HMGCLL1: variants seen among roughly 807,000 people sequenced by gnomAD.
HMGCLL1 encodes the protein 3-hydroxymethyl-3-methylglutaryl-CoA lyase, cytoplasmic.
HMGCLL1 carries 36 observed loss-of-function variants against 39.1 expected under a neutral mutation model. The observed-to-expected ratio is 0.92, with a 90% CI of 0.71 to 1.22. The LOEUF is 1.22. Among genes scored for constraint, HMGCLL1 ranks in the 50% most tolerant of loss-of-function variants. HMGCLL1 has a pLI of 0.00. For synonymous variants in HMGCLL1, 149 were observed against 144.0 expected, an observed-to-expected ratio of 1.03 and a Z score of -0.25; for missense variants, 451 against 416.5, an observed-to-expected ratio of 1.08 and a Z score of -0.72.
At chr6:55,441,786 G>A (rs1176601398) in intron 7 of HMGCLL1, among the ~76,000 whole-genome samples, 4 of 152,058 alleles carry the variant, frequency 2.6e-5, no homozygotes, top group Non-Finnish European at 5.9e-5. Flanking sequence ...TGCTTCCTGG[G>A]TTCAAGCGAT....
chr6:55,526,110 C>T (rs934546356), intron 3 of HMGCLL1, among the ~76,000 whole-genome samples: 2 of 151,890 alleles, frequency 1.3e-5, no homozygotes, highest in African/African-American at 4.8e-5. Context: ...GAATAATTTG[C>T]AGCTAAGCCT....
At chr6:55,524,915 C>T (rs1266191909) in intron 3 of HMGCLL1, among the ~76,000 whole-genome samples, 1 of 151,336 alleles carries the variant, frequency 6.6e-6, no homozygotes, top group Non-Finnish European at 1.5e-5. Flanking sequence ...TAAACTGTAA[C>T]AGCATGGGTT....
chr6:55,660,096 T>C, the HMGCLL1 span, among the ~76,000 whole-genome samples: 1 of 151,792 alleles, frequency 6.6e-6, no homozygotes, highest in African/African-American at 2.4e-5. Flanking sequence ...AATAATTGGT[T>C]TGTGAGCTGA....
At chr6:55,454,646 C>T (rs915413547) in intron 7 of HMGCLL1, among the ~76,000 whole-genome samples, 2 of 152,018 alleles carry the variant, frequency 1.3e-5, no homozygotes, top group Non-Finnish European at 2.9e-5. Flanking sequence ...CTGAATGGGC[C>T]GAATAGTCAT....
At chr6:55,659,958 T>C in the HMGCLL1 span, among the ~76,000 whole-genome samples, 1 of 151,810 alleles carries the variant, frequency 6.6e-6, no homozygotes, top group Non-Finnish European at 1.5e-5. Context: ...ATTCATTGAA[T>C]TCACTACTTC....
At chr6:55,625,648 T>C in the HMGCLL1 span, among the ~76,000 whole-genome samples, 365 of 152,246 alleles carry the variant, frequency 2.4e-3, 1 homozygote, top group Non-Finnish European at 4.5e-3. Context: ...GTGAACCTGA[T>C]TGTGCAATGT....
intron 1 of HMGCLL1, among the ~76,000 whole-genome samples, chr6:55,576,341 A>G (rs552803529): frequency 6.6e-6 from 1 of 152,292 alleles, no homozygotes; most frequent in Admixed American, 6.5e-5. Flanking sequence ...AATTTATTAT[A>G]GAACTCAAAA....
At position 55,434,464 on chromosome 6, in the gene HMGCLL1, C is replaced by A. The variant is rs1169474519; in HGVS notation, c.*1198G>T. ...TCATTTTTATGTTTCAATTTATATTCAAATTTACTCAAAGATAATATCACC... is the reference window on the plus strand; with the variant it reads ...TCATTTTTATGTTTCAATTTATATTAAAATTTACTCAAAGATAATATCACC... On this transcript the variant is annotated 3_prime_UTR_variant, in exon 9 of 9. Transcript: ENST00000274901. 1 of 151,868 alleles carries A rather than the reference C, an allele frequency of 6.6e-6. No individual in the cohort carries two copies. The highest frequency in any genetic ancestry group is 1.5e-5 in the Non-Finnish European group (1 of 67,958). 9.4% of individuals were successfully genotyped at this position (151,868 alleles called of 1,614,324 possible). A position where few individuals can be genotyped will look rare whatever the true frequency, so the allele number is the denominator to read the frequency against.
At chr6:55,504,686 TA>T (rs1284169902) in intron 5 of HMGCLL1, among the ~76,000 whole-genome samples, 157 of 16,914 alleles carry the variant, frequency 9.3e-3, no homozygotes, top group African/African-American at 0.028. Flanking sequence ...TTTTTAAAAA[TA>T]TTTTTGATTC....
the HMGCLL1 span, among the ~76,000 whole-genome samples, chr6:55,618,400 CTCTAGTGGACT>C: frequency 3.4e-4 from 51 of 150,484 alleles, no homozygotes; most frequent in Non-Finnish European, 1.2e-4. Flanking sequence ...TAAAATTATT[CTCTAGTGGACT>C]TCTAGTAAGA....
the HMGCLL1 span, among the ~76,000 whole-genome samples, chr6:55,662,016 A>G: frequency 6.6e-6 from 1 of 151,646 alleles, no homozygotes; most frequent in South Asian, 2.1e-4. Flanking sequence ...AAAAATGCTA[A>G]TGATTTTCGT....
the HMGCLL1 span, among the ~76,000 whole-genome samples, chr6:55,655,479 C>CT: frequency 1.3e-5 from 2 of 151,378 alleles, no homozygotes; most frequent in Admixed American, 6.6e-5. Context: ...TGCAGTGTTT[C>CT]TTTACAATGA....
chr6:55,526,211 C>G (rs534050800), intron 3 of HMGCLL1, among the ~76,000 whole-genome samples: 5 of 151,958 alleles, frequency 3.3e-5, no homozygotes, highest in Non-Finnish European at 7.4e-5. Flanking sequence ...TTGATGATAG[C>G]AAAATGTCTG....
intron 1 of HMGCLL1, among the ~76,000 whole-genome samples, chr6:55,567,486 TTC>T (rs1349888149): frequency 6.6e-6 from 1 of 152,122 alleles, no homozygotes; most frequent in Non-Finnish European, 1.5e-5. Flanking sequence ...CAGGAATGCC[TTC>T]TCTCTATCCA....
intron 1 of HMGCLL1, among the ~76,000 whole-genome samples, chr6:55,561,001 T>C (rs1770918468): frequency 6.6e-6 from 1 of 152,174 alleles, no homozygotes; most frequent in South Asian, 2.1e-4. Context: ...AAACAGGTTA[T>C]AAGTGAACTA....
chr6:55,597,327 TAA>T, the HMGCLL1 span, among the ~76,000 whole-genome samples: 1 of 152,084 alleles, frequency 6.6e-6, no homozygotes, highest in Non-Finnish European at 1.5e-5. Flanking sequence ...CTTTTCATCA[TAA>T]GAGTGCTAAA....
chr6:55,453,173 T>A (rs993079938), intron 7 of HMGCLL1, among the ~76,000 whole-genome samples: 2 of 152,076 alleles, frequency 1.3e-5, no homozygotes, highest in Non-Finnish European at 2.9e-5. Context: ...TGTTGTTGTT[T>A]GTTGTTGGTT....
intron 7 of HMGCLL1, among the ~76,000 whole-genome samples, chr6:55,480,709 A>G (rs961322969): frequency 1.3e-5 from 2 of 151,772 alleles, no homozygotes; most frequent in Non-Finnish European, 2.9e-5. Flanking sequence ...ACTATTCACA[A>G]TAGCCAAGAT....
intron 3 of HMGCLL1, among the ~76,000 whole-genome samples, chr6:55,538,688 AT>A (rs1011785009): frequency 3.9e-5 from 6 of 151,922 alleles, no homozygotes; most frequent in African/African-American, 1.5e-4. Flanking sequence ...TGATTGATTT[AT>A]TTTTTTTATT....
Sources: gnomAD v4.1 joint callset for allele counts (sites outside exome capture counted in the v4.1 genomes callset) on GRCh38, gnomAD v4.1.1 for gene constraint, MANE v1.5 for transcripts, NCBI Gene and HGNC (gene_info 2026-07-23, HGNC 2026-07-21) for gene names.